The following ADGRB2 variants were observed in gnomAD, a reference collection of about 807,000 sequenced individuals.
ADGRB2 encodes the protein brain-specific angiogenesis inhibitor 2.
ADGRB2 carries 47 observed loss-of-function variants against 178.7 expected under a neutral mutation model. The observed-to-expected ratio is 0.26, with a 90% CI of 0.21 to 0.34. The LOEUF (loss-of-function observed/expected upper bound fraction) is 0.34. Ranked by LOEUF, ADGRB2 falls within the 10% of genes least tolerant of loss-of-function variation. The pLI, the probability that ADGRB2 is intolerant of heterozygous loss-of-function variation, is 1.00. For missense variants in ADGRB2, 1,584 were observed against 2,180.8 expected, an observed-to-expected ratio of 0.73 and a Z score of 5.45; for synonymous variants, 870 against 912.4, an observed-to-expected ratio of 0.95 and a Z score of 0.84.
At chr1:31,748,999 G>A (rs1201251760) in intron 4 of ADGRB2, among the ~76,000 whole-genome samples, 1 of 152,144 alleles carries the variant, frequency 6.6e-6, no homozygotes, top group Non-Finnish European at 1.5e-5. Context: ...TCTTTCCACT[G>A]TACTACACTG....
chr1:31,727,426 C>T lies in ADGRB2; in HGVS notation c.4752G>A (p.Glu1584=), dbSNP rs567816493. The change falls in exon 33 of 33, where the codon GAG becomes GAA. Residue 1584 remains glutamate (E), a synonymous_variant. Transcript: ENST00000373658. The surrounding 1 kb of genome is among the most constrained non-coding windows in gnomAD (Gnocchi z 4.4). The part of the protein sequence containing the change: ...TEPPDGDFQT[E]V The stretch of plus-strand genomic sequence containing the variant: ...GGGCAGTCCAGCGTGGCACTCACAC[C>T]TCTGTCTGGAAGTCACCATCCGGTG... The T allele has an allele frequency of 6.3e-6, 10 of 1,583,954 alleles. No homozygotes were observed. In the South Asian group the frequency reaches 1.0e-4, roughly 17 times the overall value.
In ADGRB2 at chr1:31,740,365, G is replaced by A. The variant is rs1025327158; in HGVS notation, c.1971C>T (p.Pro657=). The A allele has an allele frequency of 4.2e-5, 68 of 1,612,758 alleles. No homozygotes were observed. The highest frequency in any genetic ancestry group is 5.8e-5 in the Non-Finnish European group (68 of 1,179,264). Reference sequence around the variant, plus strand: ...GCAGTACCTGCACATCATCAGCCGAGGGCACGTAGGTGGCCCTCTTAAAGG... The same window carrying A: ...GCAGTACCTGCACATCATCAGCCGAAGGCACGTAGGTGGCCCTCTTAAAGG... The part of the protein sequence containing the change: ...TDTFKRATYV[P]SADDVQRFFQ... The change falls in exon 12 of 33, where the codon CCC becomes CCT. Residue 657 remains proline (P), a synonymous_variant. Transcript: ENST00000373658. This position sits in a 1 kb window ranked among gnomAD's most constrained non-coding sequence, Gnocchi z 5.9.
chr1:31,762,941 G>C (rs1382776082), intron 1 of ADGRB2, among the ~76,000 whole-genome samples: 11 of 152,198 alleles, frequency 7.2e-5, no homozygotes, highest in African/African-American at 2.2e-4. Context: ...TGCTCTGCAC[G>C]GGCCGCGGCG....
chr1:31,741,760 C>T lies in ADGRB2; in HGVS notation c.1586-35G>A. 6.2e-7 allele frequency: 1 copy of T among 1,601,120 alleles called. No individual in the cohort carries two copies. Among genetic ancestry groups the T allele is most frequent in the Non-Finnish European group, 8.5e-7 (1 of 1,170,840 alleles). On this transcript the variant is annotated intron_variant, in intron 9 of 32. Coordinates refer to ENST00000373658, the MANE Select transcript of ADGRB2 (RefSeq NM_001364857.2). The surrounding 1 kb of genome is among the most constrained non-coding windows in gnomAD (Gnocchi z 6.5). ...CAGGGGTAAGGTTCAGCTGGGTCCA[C>T]ACATGGGGCCCCCAGCCCCCAGGGT...
In ADGRB2 at chr1:31,739,579, T is replaced by A. The variant is rs148929083; in HGVS notation, c.2224A>T (p.Met742Leu). ...TCCTTCATGCCCCGGCGGCCCCGCA[T>A]GGGGAACGTGATGTCACTGGACACA... ...SAVSSDITFP[M>L]RGRRGMKDWV... Residue 742 changes from methionine to leucine, a missense_variant, in exon 15 of 33, where the codon ATG becomes TTG. This residue lies in a region of ADGRB2 where 865 missense variants were observed against 1,192.8 expected (regional missense o/e 0.73). Transcript: ENST00000373658. 2,118 of 1,610,738 alleles carry A rather than the reference T, an allele frequency of 1.3e-3. 50 individuals carry two copies. The East Asian group carries it at 0.04, about 30-fold the overall frequency.
Position 31,735,372 on chromosome 1 carries a change from G to C in ADGRB2, c.3354-91C>G. Reference sequence around the variant, plus strand: ...ATGAGCCCCGAGTGGGGTGGGAGGGGAGGGCAGACGAGAGAGAGAGAGCTG... The same window carrying C: ...ATGAGCCCCGAGTGGGGTGGGAGGGCAGGGCAGACGAGAGAGAGAGAGCTG... On this transcript the variant is annotated intron_variant, in intron 24 of 32. Transcript: ENST00000373658. This position sits in a 1 kb window ranked among gnomAD's most constrained non-coding sequence, Gnocchi z 6.0. The C allele has an allele frequency of 1.0e-6, 1 of 956,364 alleles. No homozygotes were observed. The highest frequency in any genetic ancestry group is 1.4e-5 in the South Asian group (1 of 71,628). The allele number at this position is 956,364 out of a possible 1,614,324, so 59.2% of individuals were successfully genotyped here.
At chr1:31,746,224 C>T (rs1347145144) in intron 4 of ADGRB2, among the ~76,000 whole-genome samples, 2 of 152,180 alleles carry the variant, frequency 1.3e-5, no homozygotes, top group East Asian at 3.9e-4. Flanking sequence ...CAGCACCCTG[C>T]TTGGCACACG....
In ADGRB2 at chr1:31,740,257, GC is replaced by G. The variant is rs1295933102; in HGVS notation, c.1990-80del. On this transcript the variant is annotated intron_variant, in intron 12 of 32. Coordinates refer to ENST00000373658, the MANE Select transcript of ADGRB2 (RefSeq NM_001364857.2). The surrounding 1 kb of genome is among the most constrained non-coding windows in gnomAD (Gnocchi z 5.9). ...TTCCCCCACTATAGCCACACTTGCC[GC>G]CTCTACAGCAGACTCTGCCTAGGGG... 11 of 1,606,894 alleles carry G rather than the reference GC, an allele frequency of 6.8e-6. No individual in the cohort carries two copies. The Admixed American group carries it at 1.3e-4, about 20-fold the overall frequency.
rs536597196 is a variant in ADGRB2 at position 31,737,389 on chromosome 1, C to T, written c.2979+40G>A. On this transcript the variant is annotated intron_variant, in intron 20 of 32. Transcript: ENST00000373658. Reference sequence around the variant, plus strand: ...GCGCTCTCCACCCTCACCCCTCCACCCCACTCACACCCCTGGCAGCCCTGG... The same window carrying T: ...GCGCTCTCCACCCTCACCCCTCCACTCCACTCACACCCCTGGCAGCCCTGG... 3.2e-6 allele frequency: 5 copies of T among 1,564,112 alleles called. No homozygotes were observed. In the South Asian group the frequency reaches 4.4e-5, roughly 14 times the overall value.
At position 31,742,306 on chromosome 1, in the gene ADGRB2, G is replaced by A. The variant is rs896072146; in HGVS notation, c.1253-89C>T. The A allele has an allele frequency of 2.1e-4, 314 of 1,497,550 alleles. 1 individual carries two copies. The highest frequency in any genetic ancestry group is 2.6e-4 in the Non-Finnish European group (286 of 1,117,086). The allele number at this position is 1,497,550 out of a possible 1,614,324, so 92.8% of individuals were successfully genotyped here. On this transcript the variant is annotated intron_variant, in intron 7 of 32. Coordinates refer to ENST00000373658, the MANE Select transcript of ADGRB2 (RefSeq NM_001364857.2). ...AGAACCACAGGAAGACCCAGAGCCT[G>A]CTAGGCATTCAGATTTGAGCCAGGC...
At chr1:31,742,688 A>C in intron 7 of ADGRB2, 150 bp downstream of exon 7, 1 of 951,612 alleles carries the variant, frequency 1.1e-6, no homozygotes, top group Non-Finnish European at 1.4e-6. Flanking sequence ...CCTCGCACAC[A>C]GGCAGGCATA....
At chr1:31,743,347 T>TCCCCCTCCCCCCCCCCCCCCC (rs1646091401) in intron 6 of ADGRB2, 1 of 228,244 alleles carries the variant, frequency 4.4e-6, no homozygotes, top group Non-Finnish European at 8.2e-6. Context: ...ATTCCACCCC[T>TCCCCCTCCCCCCCCCCCCCCC]CCCCATCCCA....
In ADGRB2 at chr1:31,733,590, GAC is replaced by G. The variant is rs1007327177; in HGVS notation, c.3453-449_3453-448del. Among the ~76,000 whole-genome samples, 2 of 152,168 alleles carry G rather than the reference GAC, an allele frequency of 1.3e-5. No homozygotes were observed. Among genetic ancestry groups the G allele is most frequent in the African/African-American group, 4.8e-5 (2 of 41,406 alleles). Reference sequence around the variant, plus strand: ...ACAACCACAGTGAGAGAACGCATGCGACAGAGACACCCAGACAGAAAGATTAA... The same window carrying G: ...ACAACCACAGTGAGAGAACGCATGCGAGAGACACCCAGACAGAAAGATTAA... On this transcript the variant is annotated intron_variant, in intron 25 of 32. Transcript: ENST00000373658. This position sits in a 1 kb window ranked among gnomAD's most constrained non-coding sequence, Gnocchi z 4.3.
Position 31,738,267 on chromosome 1 carries a change from G to A in ADGRB2, c.2705C>T (p.Ala902Val). 1.2e-6 allele frequency: 2 copies of A among 1,614,090 alleles called. No homozygotes were observed. The highest frequency in any genetic ancestry group is 1.7e-6 in the Non-Finnish European group (2 of 1,180,004). ...ENCQTLETQA[A>V]HTRCQCQHLS... The stretch of plus-strand genomic sequence containing the variant: ...GTGCTGGCACTGGCAGCGGGTGTGA[G>A]CTGCCTGGGTCTCCAGGGTCTGGCA... The change falls in exon 18 of 33, where the codon GCT becomes GTT. Residue 902 changes from alanine to valine, a missense_variant. Physicochemically the swap from Ala to Val is moderately conservative, Grantham distance 64 (BLOSUM62 0). Transcript: ENST00000373658.
At position 31,733,356 on chromosome 1, in the gene ADGRB2, G is replaced by C. The variant is rs1025514596; in HGVS notation, c.3453-213C>G. ...CCGAAAGCAGCGAACTACGGGGTCA[G>C]AGCAGGGACCAGGAAGGTGGGGAAG... On this transcript the variant is annotated intron_variant, in intron 25 of 32. Transcript: ENST00000373658. The surrounding 1 kb of genome is among the most constrained non-coding windows in gnomAD (Gnocchi z 4.3). Among the ~76,000 whole-genome samples the C allele has an allele frequency of 6.6e-6, 1 of 152,204 alleles. No homozygotes were observed. The highest frequency in any genetic ancestry group is 1.5e-5 in the Non-Finnish European group (1 of 68,030).
At chr1:31,747,789 C>G (rs77037527) in intron 4 of ADGRB2, among the ~76,000 whole-genome samples, 1 of 152,196 alleles carries the variant, frequency 6.6e-6, no homozygotes, top group African/African-American at 2.4e-5. Flanking sequence ...ATGGGGCTCA[C>G]GAGGAATGGT....
chr1:31,728,484 G>A lies in ADGRB2; in HGVS notation c.4416+114C>T. 1 of 1,510,200 alleles carries A rather than the reference G, an allele frequency of 6.6e-7. No homozygotes were observed. The highest frequency in any genetic ancestry group is 9.2e-7 in the Non-Finnish European group (1 of 1,087,188). The allele number at this position is 1,510,200 out of a possible 1,614,324, so 93.5% of individuals were successfully genotyped here. On this transcript the variant is annotated intron_variant, in intron 30 of 32. Coordinates refer to ENST00000373658, the MANE Select transcript of ADGRB2 (RefSeq NM_001364857.2). The surrounding 1 kb of genome is among the most constrained non-coding windows in gnomAD (Gnocchi z 6.7). Reference sequence around the variant, plus strand: ...AAGATCCCACGGAACCCCCGGGCTTGGGCTCCTGGGGTCAGGCTCTGCAAC... The same window carrying A: ...AAGATCCCACGGAACCCCCGGGCTTAGGCTCCTGGGGTCAGGCTCTGCAAC...
At position 31,737,722 on chromosome 1, in the gene ADGRB2, G is replaced by A. The variant is rs777858185; in HGVS notation, c.2806C>T (p.Leu936=). Residue 936 remains leucine (L), a synonymous_variant, in exon 19 of 33, where the codon CTG becomes TTG. Transcript: ENST00000373658. ...CACGACACTGCACAGCCGATCACCA[G>A]GGGGACCGAGGGGGAGCCCGCCAGC... ...LELAGSPSVP[L]VIGCAVSCMA... is the part of the protein sequence containing the mutation. 6.2e-7 allele frequency: 1 copy of A among 1,613,664 alleles called. No homozygotes were observed. The highest frequency in any genetic ancestry group is 1.7e-5 in the Admixed American group (1 of 60,012).
rs1413443262 is a variant in ADGRB2, at chr1:31,738,985, C to A, written c.2496-48G>T. On this transcript the variant is annotated intron_variant, in intron 15 of 32. Coordinates refer to ENST00000373658, the MANE Select transcript of ADGRB2 (RefSeq NM_001364857.2). ...AGCTCCTGCCAGCGGGTGCCAGCCC[C>A]AGTCAGAAACCCTGAAGCCGCTTTG... 4 of 1,506,574 alleles carry A rather than the reference C, an allele frequency of 2.7e-6. No individual in the cohort carries two copies. In the South Asian group the frequency reaches 4.8e-5, roughly 18 times the overall value. The allele number at this position is 1,506,574 out of a possible 1,614,324, so 93.3% of individuals were successfully genotyped here.
Sources: allele counts gnomAD v4.1 joint callset (sites outside exome capture counted in the v4.1 genomes callset), GRCh38; gene constraint gnomAD v4.1.1; regional missense constraint gnomAD v4.1.1; non-coding constraint Gnocchi (gnomAD v3.1); transcripts MANE v1.5; gene names NCBI Gene and HGNC (gene_info 2026-07-23, HGNC 2026-07-21).